Variants in OPCML observed in about 807,000 individuals in gnomAD.
OPCML encodes the protein opioid-binding protein/cell adhesion molecule.
In OPCML, 13 loss-of-function variants were observed where a neutral mutation model predicts 37.8. The observed-to-expected ratio is 0.34, with a 90% CI of 0.22 to 0.55. OPCML has a LOEUF of 0.55. Ranked by LOEUF, OPCML falls within the 20% of genes least tolerant of loss-of-function variation. OPCML has a pLI of 0.91. For missense variants in OPCML, 341 were observed against 435.6 expected, an observed-to-expected ratio of 0.78 and a Z score of 1.93; for synonymous variants, 176 against 168.8, an observed-to-expected ratio of 1.04 and a Z score of -0.33.
At chr11:132,793,759 C>T (rs1414201616) in intron 2 of OPCML, among the ~76,000 whole-genome samples, 1 of 152,220 alleles carries the variant, frequency 6.6e-6, no homozygotes, top group African/African-American at 2.4e-5. Context: ...TCCCCCATCT[C>T]TCCCATGGGA....
rs190668474 is a variant in OPCML, at chr11:132,439,761, G to T, written c.506-2402C>A. On this transcript the variant is annotated intron_variant, in intron 4 of 7. Transcript: ENST00000524381. ...AATGAGAAGCCTGGATTTCTACTAC[G>T]ATGACTCCATTATTTTTTCAAAATG... Among the ~76,000 whole-genome samples the T allele has an allele frequency of 1.2e-3, 187 of 150,764 alleles. 1 individual carries two copies. The highest frequency in any genetic ancestry group is 4.2e-3 in the African/African-American group (172 of 41,004).
chr11:133,300,634 G>C, intron 1 of OPCML: 1 of 152,146 alleles, frequency 6.6e-6, no homozygotes, highest in Non-Finnish European at 1.5e-5. Context: ...AAAGATATCA[G>C]GCCTTTTCCC....
At chr11:133,405,607 G>C (rs1945508398) in intron 1 of OPCML, among the ~76,000 whole-genome samples, 1 of 152,152 alleles carries the variant, frequency 6.6e-6, no homozygotes, top group African/African-American at 2.4e-5. Context: ...CCTCTCTCCT[G>C]AACTGTGTTG....
At chr11:132,879,555 T>A (rs952903539) in intron 2 of OPCML, among the ~76,000 whole-genome samples, 1 of 152,040 alleles carries the variant, frequency 6.6e-6, no homozygotes, top group Non-Finnish European at 1.5e-5. Flanking sequence ...GGAAAGGTAC[T>A]GGGAAAGTGA....
chr11:133,349,027 T>G (rs1346041811), intron 1 of OPCML, among the ~76,000 whole-genome samples: 1 of 152,224 alleles, frequency 6.6e-6, no homozygotes, highest in African/African-American at 2.4e-5. Context: ...CTGACTTTTC[T>G]GACTCCCTTT....
intron 3 of OPCML, among the ~76,000 whole-genome samples, chr11:132,602,816 T>A (rs1412996348): frequency 6.6e-6 from 1 of 152,218 alleles, no homozygotes; most frequent in Non-Finnish European, 1.5e-5. Flanking sequence ...GTAAAAGGAA[T>A]CGTGGGAACC....
intron 1 of OPCML, chr11:133,026,436 T>A: frequency 1.0e-6 from 1 of 985,402 alleles, no homozygotes; most frequent in Non-Finnish European, 1.2e-6. Flanking sequence ...GCATCCTCTT[T>A]TCTCATCCCT....
intron 1 of OPCML, among the ~76,000 whole-genome samples, chr11:133,010,929 T>A (rs1231788388): frequency 3.3e-5 from 5 of 152,212 alleles, no homozygotes; most frequent in Non-Finnish European, 7.3e-5. Context: ...TGTAAGTTCG[T>A]AATAAGTTCA....
At chr11:133,140,856 A>C (rs1217523460) in intron 1 of OPCML, among the ~76,000 whole-genome samples, 5 of 38,854 alleles carry the variant, frequency 1.3e-4, no homozygotes, top group African/African-American at 2.1e-4. Context: ...ACGACGACGA[A>C]GAAGACGACG....
intron 1 of OPCML, among the ~76,000 whole-genome samples, chr11:133,053,588 T>C (rs571210480): frequency 6.3e-4 from 96 of 152,342 alleles, no homozygotes; most frequent in African/African-American, 2.3e-3. Context: ...AATTTCCTCT[T>C]ATTCTATTCA....
At chr11:133,285,627 CTG>C (rs1402134157) in intron 1 of OPCML, among the ~76,000 whole-genome samples, 4 of 152,244 alleles carry the variant, frequency 2.6e-5, no homozygotes, top group Admixed American at 2.0e-4. Context: ...CTCCAATTAA[CTG>C]TGACCCATTT....
intron 2 of OPCML, among the ~76,000 whole-genome samples, chr11:132,672,922 G>A (rs1412571070): frequency 6.6e-6 from 1 of 151,980 alleles, no homozygotes; most frequent in East Asian, 1.9e-4. Flanking sequence ...TCATTCCAGG[G>A]TAAATGAACA....
intron 1 of OPCML, chr11:133,361,511 C>G (rs543286111): frequency 3.9e-5 from 6 of 154,050 alleles, no homozygotes; most frequent in African/African-American, 9.6e-5. Flanking sequence ...GTTCGCCCGC[C>G]GCGCATCAGT....
Position 133,506,989 on chromosome 11 carries a change from CTGATA to C in OPCML, c.61+25270_61+25274del, listed in dbSNP as rs562843419. On this transcript the variant is annotated intron_variant, in intron 1 of 7. Coordinates refer to ENST00000524381, the MANE Select transcript of OPCML (RefSeq NM_001012393.5). ...CAAACCCAACAGGCATCTGACTGCT[CTGATA>C]TATTTTTTATCCCTGCATGTGGGTC... Among the ~76,000 whole-genome samples the C allele has an allele frequency of 5.0e-3, 758 of 152,354 alleles. 11 individuals carry two copies. The highest frequency in any genetic ancestry group is 0.017 in the African/African-American group (723 of 41,582).
intron 1 of OPCML, among the ~76,000 whole-genome samples, chr11:132,964,655 A>G (rs1946173402): frequency 6.6e-6 from 1 of 152,150 alleles, no homozygotes; most frequent in African/African-American, 2.4e-5. Context: ...CCCAGTCGCT[A>G]CCATGCAAGG....
At chr11:132,706,692 A>G (rs759638844) in intron 2 of OPCML, among the ~76,000 whole-genome samples, 4 of 152,084 alleles carry the variant, frequency 2.6e-5, no homozygotes, top group Admixed American at 2.6e-4. Flanking sequence ...TTACCTCTGC[A>G]TAGGTTAGCA....
chr11:133,006,767 C>A, intron 1 of OPCML: 1 of 985,470 alleles, frequency 1.0e-6, no homozygotes, highest in Non-Finnish European at 1.2e-6. Context: ...CCTGACAACG[C>A]CTGCCCCATG....
chr11:132,728,429 G>A (rs1944963043), intron 2 of OPCML, among the ~76,000 whole-genome samples: 1 of 152,188 alleles, frequency 6.6e-6, no homozygotes, highest in South Asian at 2.1e-4. Context: ...AGATGATGGA[G>A]CTAGGAAAAT....
chr11:133,344,358 C>T (rs1156268266), intron 1 of OPCML, among the ~76,000 whole-genome samples: 2 of 152,336 alleles, frequency 1.3e-5, no homozygotes, highest in South Asian at 2.1e-4. Flanking sequence ...AGTCCTGGCA[C>T]GGCTTCCCTC....
Sources: allele counts gnomAD v4.1 joint callset (sites outside exome capture counted in the v4.1 genomes callset), GRCh38; gene constraint gnomAD v4.1.1; transcripts MANE v1.5; gene names NCBI Gene and HGNC (gene_info 2026-07-23, HGNC 2026-07-21).